NELL2: variants seen among roughly 807,000 people sequenced by gnomAD.
NELL2 encodes the protein protein kinase C-binding protein NELL2.
A neutral mutation model predicts 109.6 loss-of-function variants in NELL2; 41 were observed. That is an observed-to-expected ratio of 0.37 (90% CI 0.29 to 0.49). NELL2 has a LOEUF of 0.49. Ranked by LOEUF, NELL2 falls within the 20% of genes least tolerant of loss-of-function variation. NELL2 has a pLI of 0.98. For missense variants in NELL2, 900 were observed against 1,008.3 expected (o/e 0.89, Z 1.45); for synonymous variants, 355 against 344.7 (o/e 1.03, Z -0.33).
chr12:44,900,678 C>A (rs1346476384), intron 1 of NELL2, among the ~76,000 whole-genome samples: 4 of 152,078 alleles, frequency 2.6e-5, no homozygotes, highest in Non-Finnish European at 5.9e-5. Context: ...CTAAAATTGA[C>A]ACCCTAACTT....
At chr12:44,764,601 T>C (rs1168895386) in intron 9 of NELL2, among the ~76,000 whole-genome samples, 1 of 152,180 alleles carries the variant, frequency 6.6e-6, no homozygotes, top group African/African-American at 2.4e-5. Flanking sequence ...TGATGAAATA[T>C]GTTACAAATC....
intron 1 of NELL2, among the ~76,000 whole-genome samples, chr12:44,901,267 A>T (rs964163483): frequency 2.0e-5 from 3 of 152,140 alleles, no homozygotes; most frequent in African/African-American, 7.2e-5. Flanking sequence ...GAATACTATA[A>T]ATACATCTAC....
chr12:44,652,034 T>C (rs988947296), intron 13 of NELL2, among the ~76,000 whole-genome samples: 1 of 152,166 alleles, frequency 6.6e-6, no homozygotes, highest in African/African-American at 2.4e-5. Flanking sequence ...TGTTGAATCA[T>C]TAAGACACCC....
At chr12:44,520,952 G>A (rs77421008) in intron 18 of NELL2, among the ~76,000 whole-genome samples, 15,791 of 152,084 alleles carry the variant, frequency 0.1, 1,576 homozygotes, top group African/African-American at 0.26. Context: ...GTATAAAAAG[G>A]AAGGAACAAA....
Position 44,587,284 on chromosome 12 carries a change from A to AAAAAAAAAAATATATATAT in NELL2, c.1663+19884_1663+19885insATATATATATTTTTTTTTT. ...AAGACTCCGTCTCAAAAAAAAAAAA[A>AAAAAAAAAAATATATATAT]ATATATATATATATATATATATATT... On this transcript the variant is annotated intron_variant, in intron 15 of 19. Coordinates refer to ENST00000429094, the MANE Select transcript of NELL2 (RefSeq NM_001145108.2). Among the ~76,000 whole-genome samples the AAAAAAAAAAATATATATAT allele has an allele frequency of 4.7e-4, 34 of 72,166 alleles. 1 individual carries two copies. The highest frequency in any genetic ancestry group is 7.0e-4 in the Non-Finnish European group (26 of 37,220). The allele number at this position is 72,166 out of a possible 152,430, so 47.3% of individuals were successfully genotyped here.
At position 44,816,534 on chromosome 12, in the gene NELL2, G is replaced by A. The variant is rs990154600; in HGVS notation, c.185-398C>T. Among the ~76,000 whole-genome samples the A allele has an allele frequency of 4.6e-5, 7 of 152,228 alleles. No individual in the cohort carries two copies. The East Asian group carries it at 1.4e-3, about 29-fold the overall frequency. ...GAATAGGACCTAAACAACCACACTA[G>A]AACTATTTAGCTTTTCTGACACCTC... On this transcript the variant is annotated intron_variant, in intron 2 of 19. Coordinates refer to ENST00000429094, the MANE Select transcript of NELL2 (RefSeq NM_001145108.2).
chr12:44,519,340 A>G (rs747929514), intron 19 of NELL2, among the ~76,000 whole-genome samples: 23 of 152,324 alleles, frequency 1.5e-4, no homozygotes, highest in Middle Eastern at 6.8e-3. Context: ...CAACATTGTC[A>G]CTAATCTACA....
chr12:44,760,897 C>A (rs984629526), intron 9 of NELL2, among the ~76,000 whole-genome samples: 1 of 151,960 alleles, frequency 6.6e-6, no homozygotes, highest in African/African-American at 2.4e-5. Context: ...GAATCAATTA[C>A]GTGAAATTTT....
rs1945305186 is a variant in NELL2, at chr12:44,875,880, A to G, written c.-11T>C. 5 of 1,613,936 alleles carry G rather than the reference A, an allele frequency of 3.1e-6. No individual in the cohort carries two copies. The highest frequency in any genetic ancestry group is 4.2e-6 in the Non-Finnish European group (5 of 1,180,052). On this transcript the variant is annotated 5_prime_UTR_variant, in exon 1 of 20. Transcript: ENST00000429094. ...GACCCGAGACTCCATGGTGCGGATCAGCTCAGTCCATCGTCTCCCTCTTTA... is the reference window on the plus strand; with the variant it reads ...GACCCGAGACTCCATGGTGCGGATCGGCTCAGTCCATCGTCTCCCTCTTTA...
At chr12:44,859,279 C>A (rs189892827) in intron 2 of NELL2, among the ~76,000 whole-genome samples, 2 of 152,196 alleles carry the variant, frequency 1.3e-5, no homozygotes, top group Non-Finnish European at 2.9e-5. Context: ...CAGTGGCTCA[C>A]GCCTGTAATT....
chr12:44,796,093 G>A (rs1027007005), intron 3 of NELL2, among the ~76,000 whole-genome samples: 3 of 151,828 alleles, frequency 2.0e-5, no homozygotes, highest in Admixed American at 6.6e-5. Context: ...CATCCAAAGA[G>A]GATAATAAGA....
At chr12:44,566,037 G>A (rs2136188896) in intron 15 of NELL2, among the ~76,000 whole-genome samples, 1 of 152,266 alleles carries the variant, frequency 6.6e-6, no homozygotes, top group East Asian at 1.9e-4. Flanking sequence ...TAAAGACAGG[G>A]AAAGGAAACT....
chr12:44,868,416 T>G (rs922600046), intron 2 of NELL2, among the ~76,000 whole-genome samples: 1 of 152,222 alleles, frequency 6.6e-6, no homozygotes, highest in Non-Finnish European at 1.5e-5. Context: ...GACATTTTTC[T>G]GTATTCATTC....
At chr12:44,649,700 C>A (rs1381969761) in intron 13 of NELL2, among the ~76,000 whole-genome samples, 1 of 152,224 alleles carries the variant, frequency 6.6e-6, no homozygotes, top group Non-Finnish European at 1.5e-5. Flanking sequence ...GCCAGGAAAT[C>A]TCTTTAAGCT....
chr12:44,685,511 G>T (rs997742664), intron 12 of NELL2, among the ~76,000 whole-genome samples: 3 of 151,984 alleles, frequency 2.0e-5, no homozygotes, highest in Non-Finnish European at 4.4e-5. Flanking sequence ...TCCTAGTCTC[G>T]ATGGTCTTTA....
At chr12:44,857,706 A>C (rs1297949015) in intron 2 of NELL2, among the ~76,000 whole-genome samples, 1 of 152,214 alleles carries the variant, frequency 6.6e-6, no homozygotes, top group South Asian at 2.1e-4. Context: ...GTTGCTGTAG[A>C]GAGGAGCTAT....
intron 9 of NELL2, among the ~76,000 whole-genome samples, chr12:44,749,751 A>C (rs909143209): frequency 5.9e-5 from 9 of 152,188 alleles, no homozygotes; most frequent in Non-Finnish European, 1.2e-4. Flanking sequence ...CTGTGACATG[A>C]GAAGAGAAGA....
intron 12 of NELL2, among the ~76,000 whole-genome samples, chr12:44,665,876 A>T (rs922711030): frequency 6.6e-6 from 1 of 152,194 alleles, no homozygotes; most frequent in Non-Finnish European, 1.5e-5. Flanking sequence ...CAGCGCATTC[A>T]TCTGCCTATG....
At position 44,809,809 on chromosome 12, in the gene NELL2, C is replaced by T. The variant is rs527556769; in HGVS notation, c.335+6177G>A. ...ATCTGCCCTTCCTACTTTCTTCTTG[C>T]TTTTAGTTCACTTCAGATACCCTAG... On this transcript the variant is annotated intron_variant, in intron 3 of 19. Transcript: ENST00000429094. Among the ~76,000 whole-genome samples the T allele has an allele frequency of 3.3e-5, 5 of 152,166 alleles. No individual in the cohort carries two copies. In the South Asian group the frequency reaches 1.0e-3, roughly 32 times the overall value.
Sources: allele counts gnomAD v4.1 joint callset (sites outside exome capture counted in the v4.1 genomes callset), GRCh38; gene constraint gnomAD v4.1.1; transcripts MANE v1.5; gene names NCBI Gene and HGNC (gene_info 2026-07-23, HGNC 2026-07-21).